The following ESRRG variants were observed in gnomAD, a reference collection of about 807,000 sequenced individuals.
ESRRG encodes the protein estrogen related receptor gamma.
ESRRG carries 13 observed loss-of-function variants against 44.0 expected under a neutral mutation model. The ratio of observed to expected loss-of-function variants is 0.30; its 90% CI spans 0.19 to 0.47. The LOEUF (loss-of-function observed/expected upper bound fraction) is 0.47. ESRRG is among the 20% of genes least tolerant of loss of function. The probability of loss-of-function intolerance (pLI) is 1.00; values close to 1 mark genes in which losing one functional copy is unlikely to be tolerated. For missense variants in ESRRG, 395 were observed against 580.6 expected (o/e 0.68, Z 3.29); for synonymous variants, 215 against 214.6 (o/e 1.00, Z -0.02).
chr1:216,993,225 C>T (rs2075966344), intron 1 of ESRRG, among the ~76,000 whole-genome samples: 1 of 152,170 alleles, frequency 6.6e-6, no homozygotes, highest in Non-Finnish European at 1.5e-5. Flanking sequence ...ACCTACATTT[C>T]TCTAAGTCTC....
At chr1:217,089,360 CTTT>C (rs34432067) in intron 1 of ESRRG, 7 of 141,192 alleles carry the variant, frequency 5.0e-5, no homozygotes, top group Non-Finnish European at 6.2e-5. Flanking sequence ...GGAGGGGTTG[CTTT>C]TTTTTTTTTT....
At chr1:217,075,593 C>CT (rs2091184953) in intron 1 of ESRRG, among the ~76,000 whole-genome samples, 2 of 147,862 alleles carry the variant, frequency 1.4e-5, no homozygotes, top group South Asian at 4.6e-4. Flanking sequence ...CTCCTTTCCC[C>CT]CCCCCAACAT....
chr1:216,853,552 C>T (rs190440369), intron 2 of ESRRG, among the ~76,000 whole-genome samples: 1 of 152,160 alleles, frequency 6.6e-6, no homozygotes, highest in African/African-American at 2.4e-5. Context: ...TGTCTTTATT[C>T]ATGCAGCCCC....
At chr1:216,962,830 G>A (rs2069404275) in intron 1 of ESRRG, among the ~76,000 whole-genome samples, 2 of 152,152 alleles carry the variant, frequency 1.3e-5, no homozygotes, top group Admixed American at 1.3e-4. Flanking sequence ...GAACATAGGT[G>A]TAGAAAATAG....
At chr1:216,865,973 A>G (rs901331726) in intron 2 of ESRRG, among the ~76,000 whole-genome samples, 9 of 152,232 alleles carry the variant, frequency 5.9e-5, no homozygotes, top group African/African-American at 1.7e-4. Context: ...CCAAAAGCAG[A>G]CATGACATTT....
At chr1:217,071,521 C>G (rs1303367948) in intron 1 of ESRRG, among the ~76,000 whole-genome samples, 1 of 152,184 alleles carries the variant, frequency 6.6e-6, no homozygotes, top group African/African-American at 2.4e-5. Context: ...TAGCCTAATG[C>G]CTGGTTACAT....
At chr1:216,693,416 G>A (rs764675205) in intron 1 of ESRRG, among the ~76,000 whole-genome samples, 1 of 152,176 alleles carries the variant, frequency 6.6e-6, no homozygotes, top group South Asian at 2.1e-4. Context: ...AGAGGCATGA[G>A]TCACCACATC....
At chr1:216,599,212 C>T (rs551639001) in intron 3 of ESRRG, among the ~76,000 whole-genome samples, 1 of 152,094 alleles carries the variant, frequency 6.6e-6, no homozygotes, top group South Asian at 2.1e-4. Context: ...GAAAATTTAA[C>T]CAGAGACACA....
At chr1:216,586,030 A>G (rs1334174329) in intron 3 of ESRRG, among the ~76,000 whole-genome samples, 1 of 149,262 alleles carries the variant, frequency 6.7e-6, no homozygotes, top group Non-Finnish European at 1.5e-5. Flanking sequence ...ACAGAGGGAT[A>G]CTCCGTCTCA....
At chr1:216,852,284 A>G (rs1474943792) in intron 2 of ESRRG, among the ~76,000 whole-genome samples, 1 of 151,500 alleles carries the variant, frequency 6.6e-6, no homozygotes, top group Non-Finnish European at 1.5e-5. Context: ...GCACTCAGTT[A>G]CAATGATATT....
intron 1 of ESRRG, among the ~76,000 whole-genome samples, chr1:217,063,795 C>G (rs1414055872): frequency 6.6e-6 from 1 of 152,116 alleles, no homozygotes; most frequent in Non-Finnish European, 1.5e-5. Context: ...GAGTCTTACT[C>G]AAAGCATTGG....
intron 2 of ESRRG, among the ~76,000 whole-genome samples, chr1:216,779,428 T>TATTTATAAAATAAATATTTATAAATA (rs1559606123): frequency 4.6e-5 from 1 of 21,670 alleles, no homozygotes; most frequent in South Asian, 2.0e-3. Context: ...ATTTATAAAT[T>TATTTATAAAATAAATATTTATAAATA]TATTTATAAA....
chr1:216,582,664 G>A (rs1367757144), intron 3 of ESRRG, among the ~76,000 whole-genome samples: 1 of 151,970 alleles, frequency 6.6e-6, no homozygotes, highest in Non-Finnish European at 1.5e-5. Flanking sequence ...TGGTCTAAGT[G>A]GTCAATTCTT....
intron 2 of ESRRG, among the ~76,000 whole-genome samples, chr1:216,936,192 A>G (rs536795564): frequency 6.6e-6 from 1 of 152,222 alleles, no homozygotes; most frequent in South Asian, 2.1e-4. Flanking sequence ...GGGGCAACAA[A>G]GAACAAATAT....
intron 1 of ESRRG, chr1:217,077,989 T>A (rs1433096782): frequency 6.6e-6 from 1 of 152,200 alleles, no homozygotes; most frequent in Non-Finnish European, 1.5e-5. Context: ...TATCAGAAGC[T>A]AGAATTGATT....
intron 2 of ESRRG, among the ~76,000 whole-genome samples, chr1:216,856,519 T>C (rs2095944349): frequency 6.6e-6 from 1 of 152,164 alleles, no homozygotes; most frequent in Non-Finnish European, 1.5e-5. Context: ...ACCCACAAAA[T>C]AGCAGCTTAT....
At chr1:217,080,681 T>G (rs1040287758) in intron 1 of ESRRG, among the ~76,000 whole-genome samples, 25 of 93,702 alleles carry the variant, frequency 2.7e-4, no homozygotes, top group Admixed American at 1.3e-4. Flanking sequence ...GTTTTTTTTT[T>G]TTTTTTTTTT....
chr1:216,962,940 T>C (rs542138833), intron 1 of ESRRG, among the ~76,000 whole-genome samples: 85 of 152,302 alleles, frequency 5.6e-4, no homozygotes, highest in Middle Eastern at 3.4e-3. Flanking sequence ...GCTCCTGATA[T>C]TGTGAAAATG....
chr1:217,097,182 C>T (rs527568408), intron 1 of ESRRG, among the ~76,000 whole-genome samples: 3 of 152,220 alleles, frequency 2.0e-5, no homozygotes, highest in Middle Eastern at 3.4e-3. Flanking sequence ...CATGACAGTT[C>T]TTTACACTTT....
Sources: gnomAD v4.1 joint callset for allele counts (sites outside exome capture counted in the v4.1 genomes callset) on GRCh38, gnomAD v4.1.1 for gene constraint, MANE v1.5 for transcripts, NCBI Gene and HGNC (gene_info 2026-07-23, HGNC 2026-07-21) for gene names.